The following TBCK variants were observed in gnomAD, a reference collection of about 807,000 sequenced individuals.
TBCK encodes TBC domain-containing protein kinase-like protein.
Under a neutral mutation model 113.4 loss-of-function variants are expected in TBCK, and 99 were observed. That is an observed-to-expected ratio of 0.87 (90% CI 0.74 to 1.03). TBCK has a LOEUF of 1.03. TBCK is among the 50% of genes least tolerant of loss of function. The probability of loss-of-function intolerance (pLI) is 0.00; values close to 1 mark genes in which losing one functional copy is unlikely to be tolerated. For synonymous variants in TBCK, 369 were observed against 370.8 expected, an observed-to-expected ratio of 1.00 and a Z score of 0.05; for missense variants, 1,045 against 1,061.3, an observed-to-expected ratio of 0.98 and a Z score of 0.21.
intron 23 of TBCK, among the ~76,000 whole-genome samples, chr4:106,120,112 C>A (rs576515271): frequency 2.0e-5 from 3 of 152,258 alleles, no homozygotes; most frequent in Non-Finnish European, 4.4e-5. Context: ...GGTGCGCGCA[C>A]CGTGCGCGAG....
At chr4:106,283,943 A>G (rs1012980424) in intron 3 of TBCK, among the ~76,000 whole-genome samples, 1 of 152,196 alleles carries the variant, frequency 6.6e-6, no homozygotes, top group African/African-American at 2.4e-5. Flanking sequence ...TAAAGAATGT[A>G]TAAGACAGAG....
chr4:106,290,012 C>G (rs1382985391), intron 3 of TBCK, among the ~76,000 whole-genome samples: 1 of 152,038 alleles, frequency 6.6e-6, no homozygotes. Flanking sequence ...CATTGTAAAT[C>G]TTTACACAAA....
At chr4:106,051,829 A>C (rs918312896) in intron 25 of TBCK, among the ~76,000 whole-genome samples, 1 of 151,888 alleles carries the variant, frequency 6.6e-6, no homozygotes, top group Non-Finnish European at 1.5e-5. Flanking sequence ...TTATTTAAGA[A>C]ATTTCTGAGC....
intron 2 of TBCK, among the ~76,000 whole-genome samples, chr4:106,307,227 C>T (rs1339311053): frequency 3.9e-5 from 6 of 152,060 alleles, no homozygotes; most frequent in Non-Finnish European, 8.8e-5. Flanking sequence ...CCTTCGTGTG[C>T]CCTTGGATGA....
rs10565641 is a variant in TBCK, at chr4:106,203,283, C to CATATAT, written c.1861-8535_1861-8530dup. Among the ~76,000 whole-genome samples, 786 of 146,342 alleles carry CATATAT rather than the reference C, an allele frequency of 5.4e-3. 4 individuals are homozygous for CATATAT. Among genetic ancestry groups the CATATAT allele is most frequent in the African/African-American group, 0.018 (741 of 40,162 alleles). ...GGACATATACACATATATATTTTCA[C>CATATAT]ATATATATATATATATATATACTTT... On this transcript the variant is annotated intron_variant, in intron 20 of 25. Coordinates refer to ENST00000394708, the MANE Select transcript of TBCK (RefSeq NM_001163435.3).
intron 23 of TBCK, among the ~76,000 whole-genome samples, chr4:106,118,243 A>G (rs1432265095): frequency 6.6e-6 from 1 of 152,084 alleles, no homozygotes; most frequent in Non-Finnish European, 1.5e-5. Context: ...CATTTACCAG[A>G]TAGATTTATT....
chr4:106,293,433 T>C (rs4590126), intron 3 of TBCK, among the ~76,000 whole-genome samples: 1 of 152,124 alleles, frequency 6.6e-6, no homozygotes, highest in African/African-American at 2.4e-5. Context: ...TACATTATGG[T>C]GAGTTATATA....
At chr4:106,084,593 C>G (rs180777790) in intron 25 of TBCK, among the ~76,000 whole-genome samples, 1 of 151,986 alleles carries the variant, frequency 6.6e-6, no homozygotes, top group Admixed American at 6.6e-5. Context: ...AGAACACCAC[C>G]GTTAAGATAC....
intron 24 of TBCK, among the ~76,000 whole-genome samples, chr4:106,101,822 A>T (rs529365830): frequency 9.8e-5 from 15 of 152,330 alleles, no homozygotes; most frequent in African/African-American, 3.6e-4. Context: ...CTTAATATGA[A>T]CTTCCAAGAA....
chr4:106,110,344 T>C (rs957747561), intron 24 of TBCK, among the ~76,000 whole-genome samples: 1 of 152,170 alleles, frequency 6.6e-6, no homozygotes, highest in African/African-American at 2.4e-5. Flanking sequence ...TGGACTGCGA[T>C]AGAACCCTCA....
intron 24 of TBCK, among the ~76,000 whole-genome samples, chr4:106,096,034 T>C (rs1364063436): frequency 6.6e-6 from 1 of 151,944 alleles, no homozygotes; most frequent in Non-Finnish European, 1.5e-5. Flanking sequence ...AAGAAAAGGG[T>C]ATGACATTAA....
rs943462388 is a variant in TBCK, at chr4:106,042,248, A to T, written c.*4322T>A. 3 of 152,200 alleles carry T rather than the reference A, an allele frequency of 2.0e-5. No individual in the cohort carries two copies. Among genetic ancestry groups the T allele is most frequent in the Admixed American group, 1.3e-4 (2 of 15,286 alleles). 9.4% of individuals were successfully genotyped at this position (152,200 alleles called of 1,614,324 possible). On this transcript the variant is annotated 3_prime_UTR_variant, in exon 26 of 26. Transcript: ENST00000394708. ...TTGGGTCAGCATGTATAACAATGGG[A>T]TTACTAGTTACAACTGATAGAATGA...
At chr4:106,120,048 G>A (rs971111900) in intron 23 of TBCK, among the ~76,000 whole-genome samples, 8 of 152,166 alleles carry the variant, frequency 5.3e-5, no homozygotes, top group Non-Finnish European at 1.2e-4. Context: ...ATTTCCATCT[G>A]AGGTACCGGG....
chr4:106,083,083 C>A, intron 25 of TBCK, among the ~76,000 whole-genome samples: 1 of 152,326 alleles, frequency 6.6e-6, no homozygotes, highest in Middle Eastern at 3.4e-3. Flanking sequence ...CGGGGAGAGG[C>A]GACCAGCACT....
chr4:106,309,050 G>T (rs2125895237), intron 1 of TBCK, 61 bp from the exon 2 acceptor site: 1 of 1,137,724 alleles, frequency 8.8e-7, no homozygotes, highest in Non-Finnish European at 1.2e-6. Flanking sequence ...CAAATCTTAA[G>T]CATGATTAAC....
chr4:106,194,891 G>C (rs1422165941), intron 20 of TBCK, 137 bp from the exon 21 acceptor site: 2 of 814,296 alleles, frequency 2.5e-6, no homozygotes, highest in African/African-American at 3.7e-5. Context: ...AAAAGAGAAT[G>C]TAGTGTTAAG....
rs554341762 is a variant in TBCK, at chr4:106,133,405, T to C, written c.2236-17027A>G. 5.9e-5 allele frequency among the ~76,000 whole-genome samples: 9 copies of C among 152,322 alleles called. No individual in the cohort carries two copies. In the South Asian group the frequency reaches 1.7e-3, roughly 28 times the overall value. On this transcript the variant is annotated intron_variant, in intron 23 of 25. Coordinates refer to ENST00000394708, the MANE Select transcript of TBCK (RefSeq NM_001163435.3). Reference sequence around the variant, plus strand: ...TGGAACTGTGAGTCAATTAAACCTCTTTCCTTTATAAATTACTCAGTCTTG... The same window carrying C: ...TGGAACTGTGAGTCAATTAAACCTCCTTCCTTTATAAATTACTCAGTCTTG...
chr4:106,211,381 T>C (rs1019218575), intron 20 of TBCK, among the ~76,000 whole-genome samples: 2 of 152,114 alleles, frequency 1.3e-5, no homozygotes, highest in Non-Finnish European at 2.9e-5. Flanking sequence ...TCAGTTTTTA[T>C]TGATTTTTTA....
intron 3 of TBCK, among the ~76,000 whole-genome samples, chr4:106,272,864 A>G (rs556858166): frequency 6.6e-6 from 1 of 152,352 alleles, no homozygotes; most frequent in South Asian, 2.1e-4. Flanking sequence ...TAAGCAAAGC[A>G]AACCAATCGC....
Sources: allele counts gnomAD v4.1 joint callset (sites outside exome capture counted in the v4.1 genomes callset), GRCh38; gene constraint gnomAD v4.1.1; transcripts MANE v1.5; gene names NCBI Gene and HGNC (gene_info 2026-07-23, HGNC 2026-07-21).